Variants in PATJ observed in about 807,000 individuals in gnomAD.
PATJ encodes the protein inaD-like protein.
In PATJ, 190 loss-of-function variants were observed where a neutral mutation model predicts 224.9. The observed-to-expected ratio is 0.84, with a 90% confidence interval of 0.75 to 0.95. The LOEUF is 0.95. PATJ is among the 40% of genes least tolerant of loss of function. PATJ has a pLI of 0.00. For synonymous variants in PATJ, 769 were observed against 820.3 expected (o/e 0.94, Z 1.07); for missense variants, 2,121 against 2,270.3 (o/e 0.93, Z 1.34).
In PATJ at chr1:62,079,430, A is replaced by C. The variant is rs750248583; in HGVS notation, c.4126-20A>C. ...CCTTTCTCCTTTTTGATATTCATCT[A>C]ATTTTCCTTTCTTTTGTAGGCTGTC... On this transcript the variant is annotated intron_variant, in intron 31 of 43. Coordinates refer to ENST00000642238, the MANE Select transcript of PATJ (RefSeq NM_001350145.3). The C allele has an allele frequency of 1.4e-6, 2 of 1,424,140 alleles. No individual in the cohort carries two copies. The highest frequency in any genetic ancestry group is 2.0e-6 in the Non-Finnish European group (2 of 1,010,054). 88.2% of individuals were successfully genotyped at this position (1,424,140 alleles called of 1,614,324 possible).
intron 4 of PATJ, among the ~76,000 whole-genome samples, chr1:61,767,171 A>G (rs1646330401): frequency 6.6e-6 from 1 of 152,208 alleles, no homozygotes. Context: ...ACCTATTAAA[A>G]ATTAAATAAT....
intron 24 of PATJ, among the ~76,000 whole-genome samples, chr1:61,905,269 G>GT (rs1175720714): frequency 6.6e-6 from 1 of 152,248 alleles, no homozygotes; most frequent in Non-Finnish European, 1.5e-5. Context: ...TCACATAGTG[G>GT]AAGGGATGAG....
intron 39 of PATJ, among the ~76,000 whole-genome samples, chr1:62,123,517 A>G (rs1336880688): frequency 1.8e-5 from 2 of 112,284 alleles, no homozygotes; most frequent in African/African-American, 3.6e-5. Context: ...TTGCTCTGTC[A>G]CCCAGGCTAG....
intron 27 of PATJ, among the ~76,000 whole-genome samples, chr1:61,968,974 T>C (rs1682563180): frequency 6.6e-6 from 1 of 152,262 alleles, no homozygotes; most frequent in Non-Finnish European, 1.5e-5. Flanking sequence ...GGAATCATAT[T>C]GCATTGTGAC....
rs543291104 is a variant in PATJ, at chr1:61,760,852, A to T, written c.-35-2006A>T. The stretch of plus-strand genomic sequence containing the variant: ...GGTCTCGAATTCCTGACCTCAGGTG[A>T]TCCACCCACCTCGATCTCTCCAAGT... On this transcript the variant is annotated intron_variant, in intron 1 of 43. Coordinates refer to ENST00000642238, the MANE Select transcript of PATJ (RefSeq NM_001350145.3). Among the ~76,000 whole-genome samples, 329 of 152,098 alleles carry T rather than the reference A, an allele frequency of 2.2e-3. 1 individual carries two copies. Among genetic ancestry groups the T allele is most frequent in the African/African-American group, 7.6e-3 (315 of 41,502 alleles).
intron 27 of PATJ, among the ~76,000 whole-genome samples, chr1:61,957,258 A>C (rs534512270): frequency 1.3e-5 from 2 of 152,082 alleles, no homozygotes; most frequent in East Asian, 3.9e-4. Context: ...AGAAAAGGGA[A>C]TCATTCTGCC....
In PATJ at chr1:61,787,867, G is replaced by A. The variant is rs1261114331; in HGVS notation, c.963G>A (p.Arg321=). The part of the protein sequence containing the change: ...QVLRNCGNSV[R]MLVARDPAGD... ...TAAGGAACTGTGGGAATTCAGTCAGGATGCTCGTTGCTAGAGATCCAGCTG... is the reference window on the plus strand; with the variant it reads ...TAAGGAACTGTGGGAATTCAGTCAGAATGCTCGTTGCTAGAGATCCAGCTG... Residue 321 remains arginine, a synonymous_variant, in exon 8 of 44, where the codon AGG becomes AGA. Transcript: ENST00000642238. 6.2e-7 allele frequency: 1 copy of A among 1,614,044 alleles called. No homozygotes were observed.
At position 62,160,988 on chromosome 1, in the gene PATJ, T is replaced by C; in HGVS notation, c.5583T>C (p.Thr1861=). The C allele has an allele frequency of 6.2e-7, 1 of 1,612,306 alleles. No homozygotes were observed. Among genetic ancestry groups the C allele is most frequent in the Non-Finnish European group, 8.5e-7 (1 of 1,179,476 alleles). Residue 1861 remains threonine (T), a synonymous_variant, in exon 44 of 44, where the codon ACT becomes ACC. Transcript: ENST00000642238. ...ATGGCGAGACCCTGGAAGGTGTTAC[T>C]CATGAGCAAGCAGTCGCCATTCTAA... The part of the protein sequence containing the change: ...AVNGETLEGV[T]HEQAVAILKH...
chr1:61,990,457 G>A, intron 28 of PATJ, 93 bp downstream of exon 28: 1 of 756,720 alleles, frequency 1.3e-6, no homozygotes, highest in Non-Finnish European at 2.0e-6. Flanking sequence ...GAAGAATGAT[G>A]TCAAATTATA....
rs911343998 is a variant in PATJ at position 61,964,797 on chromosome 1, A to C, written c.3671-25371A>C. 2.0e-5 allele frequency among the ~76,000 whole-genome samples: 3 copies of C among 151,956 alleles called. No homozygotes were observed. In the South Asian group the frequency reaches 6.3e-4, roughly 32 times the overall value. Reference sequence around the variant, plus strand: ...AGCAAGGCCTCAACTCTTAAAAAAGAAAAAGAAATAAAAAAGGTATTTAAA... The same window carrying C: ...AGCAAGGCCTCAACTCTTAAAAAAGCAAAAGAAATAAAAAAGGTATTTAAA... On this transcript the variant is annotated intron_variant, in intron 27 of 43. Coordinates refer to ENST00000642238, the MANE Select transcript of PATJ (RefSeq NM_001350145.3).
Position 62,130,587 on chromosome 1 carries a change from C to T in PATJ, c.5271+1642C>T, listed in dbSNP as rs868315010. 1.2e-4 allele frequency among the ~76,000 whole-genome samples: 18 copies of T among 152,128 alleles called. No individual in the cohort carries two copies. In the Middle Eastern group the frequency reaches 0.014, roughly 115 times the overall value. ...AGAAAAACTGCTGGGCACGGTGGCTCACACCTGTAATCCCAGCACTTTGGG... is the reference window on the plus strand; with the variant it reads ...AGAAAAACTGCTGGGCACGGTGGCTTACACCTGTAATCCCAGCACTTTGGG... On this transcript the variant is annotated intron_variant, in intron 41 of 43. Transcript: ENST00000642238.
intron 30 of PATJ, among the ~76,000 whole-genome samples, chr1:62,045,803 T>A (rs956379409): frequency 6.6e-5 from 10 of 152,168 alleles, no homozygotes; most frequent in Non-Finnish European, 1.5e-4. Flanking sequence ...CTGACCTGTT[T>A]TCCCTTTCCC....
At chr1:61,803,900 T>C (rs965591237) in intron 12 of PATJ, among the ~76,000 whole-genome samples, 3 of 152,216 alleles carry the variant, frequency 2.0e-5, no homozygotes, top group Non-Finnish European at 4.4e-5. Context: ...TAGGATTTAT[T>C]GAGCTGCTGA....
intron 28 of PATJ, chr1:62,013,365 T>C: frequency 1.0e-6 from 1 of 985,350 alleles, no homozygotes; most frequent in Non-Finnish European, 1.2e-6. Context: ...CTGGAGCCCA[T>C]GTTAGTGAAA....
intron 41 of PATJ, among the ~76,000 whole-genome samples, chr1:62,141,479 A>T (rs1411069252): frequency 6.6e-6 from 1 of 152,088 alleles, no homozygotes; most frequent in Non-Finnish European, 1.5e-5. Context: ...GTTCAAGACC[A>T]GCCTGGGCAA....
intron 31 of PATJ, among the ~76,000 whole-genome samples, chr1:62,054,715 T>C (rs1367418355): frequency 1.3e-5 from 2 of 152,226 alleles, no homozygotes; most frequent in Non-Finnish European, 2.9e-5. Context: ...GCTTTCCAAT[T>C]TGCAAAACAG....
intron 8 of PATJ, among the ~76,000 whole-genome samples, chr1:61,788,288 G>T (rs1649026704): frequency 6.6e-6 from 1 of 152,102 alleles, no homozygotes; most frequent in African/African-American, 2.4e-5. Flanking sequence ...GTAAACACTG[G>T]CCGATGTGTG....
chr1:61,864,213 A>AT (rs35853578), intron 19 of PATJ, 25 bp from the exon 20 acceptor site: 16 of 1,577,544 alleles, frequency 1.0e-5, no homozygotes, highest in East Asian at 2.2e-5. Context: ...GTAACTTCAC[A>AT]TTTTTTTGCA....
intron 27 of PATJ, among the ~76,000 whole-genome samples, chr1:61,937,678 G>A (rs1367941268): frequency 6.3e-5 from 9 of 143,156 alleles, no homozygotes; most frequent in African/African-American, 1.3e-4. Flanking sequence ...GAGACGGAGC[G>A]TTGCTCTTGT....
Sources: gnomAD v4.1 joint callset for allele counts (sites outside exome capture counted in the v4.1 genomes callset) on GRCh38, gnomAD v4.1.1 for gene constraint, MANE v1.5 for transcripts, NCBI Gene and HGNC (gene_info 2026-07-23, HGNC 2026-07-21) for gene names.